P2RY12: variants seen among roughly 807,000 people sequenced by gnomAD.
P2RY12 encodes the protein purinergic receptor P2Y12, also known as P2Y purinoceptor 12.
A neutral mutation model predicts 4.5 loss-of-function variants in P2RY12; 3 were observed. The ratio of observed to expected loss-of-function variants is 0.67; its 90% CI spans 0.31 to 1.74. The LOEUF is 1.74. Among genes scored for constraint, P2RY12 ranks in the 40% most tolerant of loss-of-function variants. The pLI is 0.09. For synonymous variants in P2RY12, 148 were observed against 154.1 expected (o/e 0.96, Z 0.29); for missense variants, 356 against 407.8 (o/e 0.87, Z 1.09).
chr3:151,345,965 A>G (rs1205641428), intron 1 of P2RY12, among the ~76,000 whole-genome samples: 1 of 152,196 alleles, frequency 6.6e-6, no homozygotes, highest in Non-Finnish European at 1.5e-5. Context: ...AATGCTAAGA[A>G]AGGAATACTG....
chr3:151,352,026 G>T (rs1037767688), intron 1 of P2RY12, among the ~76,000 whole-genome samples: 1 of 152,162 alleles, frequency 6.6e-6, no homozygotes, highest in Non-Finnish European at 1.5e-5. Context: ...TTGGATTTTG[G>T]ATAGTTTCAC....
At chr3:151,365,311 T>A in intron 1 of P2RY12, 1 of 911,764 alleles carries the variant, frequency 1.1e-6, no homozygotes, top group East Asian at 2.5e-5. Context: ...CATTTGGCTA[T>A]CATTTGCTTT....
intron 1 of P2RY12, chr3:151,380,306 AT>A: frequency 1.0e-6 from 1 of 953,382 alleles, no homozygotes; most frequent in Non-Finnish European, 1.6e-6. Flanking sequence ...CTGAGATTAA[AT>A]TAATAAGGGC....
intron 1 of P2RY12, chr3:151,375,985 A>G (rs1756810179): frequency 8.1e-7 from 1 of 1,232,598 alleles, no homozygotes; most frequent in Non-Finnish European, 1.1e-6. Flanking sequence ...ATATATACCG[A>G]AAGCCAGTGC....
Position 151,349,157 on chromosome 3 carries a change from G to A in P2RY12, c.-179-8397C>T, listed in dbSNP as rs1752924747. 2.6e-5 allele frequency among the ~76,000 whole-genome samples: 4 copies of A among 152,304 alleles called. No individual in the cohort carries two copies. The South Asian group carries it at 8.3e-4, about 32-fold the overall frequency. ...AGATTCAGAGCCAGGCACAAGAGAG[G>A]GCACATCTTGGACTCTGTTACTTTG... On this transcript the variant is annotated intron_variant, in intron 1 of 2. Transcript: ENST00000302632.
chr3:151,357,664 CCAGCATCCTGG>C (rs1754096021), intron 1 of P2RY12, among the ~76,000 whole-genome samples: 1 of 152,132 alleles, frequency 6.6e-6, no homozygotes, highest in African/African-American at 2.4e-5. Context: ...TTAATGTTGG[CCAGCATCCTGG>C]CATATTATGA....
chr3:151,382,297 G>A (rs1230488194), intron 1 of P2RY12, among the ~76,000 whole-genome samples: 1 of 152,120 alleles, frequency 6.6e-6, no homozygotes, highest in Non-Finnish European at 1.5e-5. Context: ...ACAGGACTGA[G>A]GCAAAATGTA....
intron 1 of P2RY12, among the ~76,000 whole-genome samples, chr3:151,366,442 C>G (rs944797781): frequency 1.3e-5 from 2 of 152,134 alleles, no homozygotes; most frequent in African/African-American, 4.8e-5. Flanking sequence ...ATAAGAATGT[C>G]CAGGTCTAGA....
intron 1 of P2RY12, among the ~76,000 whole-genome samples, chr3:151,353,058 A>G (rs1365254366): frequency 1.3e-5 from 2 of 152,214 alleles, no homozygotes; most frequent in African/African-American, 4.8e-5. Flanking sequence ...CTAAGAACCA[A>G]TTACATTCTT....
chr3:151,376,950 G>A, intron 1 of P2RY12: 1 of 1,610,108 alleles, frequency 6.2e-7, no homozygotes, highest in Non-Finnish European at 8.5e-7. Context: ...TGAGGATAAA[G>A]GAATACACAT....
intron 1 of P2RY12, chr3:151,382,632 G>A (rs376188249): frequency 1.3e-6 from 2 of 1,566,028 alleles, no homozygotes; most frequent in Admixed American, 1.8e-5. Flanking sequence ...AAACTTTAAT[G>A]GGGAGTTTTT....
At chr3:151,380,290 CA>C in intron 1 of P2RY12, 1 of 1,109,378 alleles carries the variant, frequency 9.0e-7, no homozygotes, top group Admixed American at 2.3e-5. Context: ...ATTTGCCTTT[CA>C]AATACTGAGA....
At chr3:151,339,262 T>C (rs1751465583) in intron 2 of P2RY12, among the ~76,000 whole-genome samples, 1 of 152,102 alleles carries the variant, frequency 6.6e-6, no homozygotes, top group African/African-American at 2.4e-5. Flanking sequence ...CACAGTCACT[T>C]TTCCCCCCAA....
chr3:151,357,213 T>C (rs1362142646), intron 1 of P2RY12: 1 of 1,592,076 alleles, frequency 6.3e-7, no homozygotes, highest in East Asian at 2.2e-5. Context: ...CCTGTTACAG[T>C]TACTAAATGA....
At chr3:151,357,350 T>C (rs750205465) in intron 1 of P2RY12, 1 of 1,612,404 alleles carries the variant, frequency 6.2e-7, no homozygotes, top group Admixed American at 1.7e-5. Flanking sequence ...TCTTGAATCC[T>C]GATCAGACAG....
chr3:151,364,928 A>T, intron 1 of P2RY12: 2 of 1,265,534 alleles, frequency 1.6e-6, no homozygotes, highest in Non-Finnish European at 2.3e-6. Context: ...ATAGTTTTCT[A>T]GTTATTCTAG....
chr3:151,377,113 C>T lies in P2RY12; in HGVS notation c.-180+7579G>A, dbSNP rs150380576. 4.5e-5 allele frequency: 73 copies of T among 1,614,004 alleles called. No individual in the cohort carries two copies. In the African/African-American group the frequency reaches 7.7e-4, roughly 17 times the overall value. ...CTAATTCTGGCATGAGCCTCTTCAA[C>T]CCAAACAGTATTGGAAGTGCTGATA... is the stretch of plus-strand genomic sequence containing the variant. On this transcript the variant is annotated intron_variant, in intron 1 of 2. Coordinates refer to ENST00000302632, the MANE Select transcript of P2RY12 (RefSeq NM_022788.5).
intron 1 of P2RY12, among the ~76,000 whole-genome samples, chr3:151,346,278 A>G (rs1752526212): frequency 6.6e-6 from 1 of 152,042 alleles, no homozygotes; most frequent in Non-Finnish European, 1.5e-5. Flanking sequence ...ATCATCAGTT[A>G]TCTGTTCCCC....
rs1755210558 is a variant in P2RY12 at position 151,365,836 on chromosome 3, T to C, written c.-180+18856A>G. ...GTACAAGGTTACTTTCTGTGTCTTCTTTTTCTTTTCTAGGATTAACGACAT... is the reference window on the plus strand; with the variant it reads ...GTACAAGGTTACTTTCTGTGTCTTCCTTTTCTTTTCTAGGATTAACGACAT... On this transcript the variant is annotated intron_variant, in intron 1 of 2. Transcript: ENST00000302632. The C allele has an allele frequency of 3.1e-6, 5 of 1,599,718 alleles. No individual in the cohort carries two copies. The East Asian group carries it at 1.1e-4, about 36-fold the overall frequency.
Sources: gnomAD v4.1 joint callset for allele counts (sites outside exome capture counted in the v4.1 genomes callset) on GRCh38, gnomAD v4.1.1 for gene constraint, MANE v1.5 for transcripts, NCBI Gene and HGNC (gene_info 2026-07-23, HGNC 2026-07-21) for gene names.